ZDHHC7: variants seen among roughly 807,000 people sequenced by gnomAD.
The protein encoded by ZDHHC7 is zDHHC palmitoyltransferase 7.
ZDHHC7 carries 12 observed loss-of-function variants against 34.1 expected under a neutral mutation model. That is an observed-to-expected ratio of 0.35 (90% CI 0.23 to 0.57). The LOEUF (loss-of-function observed/expected upper bound fraction) is 0.57. ZDHHC7 is among the 20% of genes least tolerant of loss of function. The probability of loss-of-function intolerance (pLI) is 0.84; values close to 1 mark genes in which losing one functional copy is unlikely to be tolerated. For synonymous variants in ZDHHC7, 185 were observed against 155.4 expected, an observed-to-expected ratio of 1.19 and a Z score of -1.42; for missense variants, 388 against 402.7, an observed-to-expected ratio of 0.96 and a Z score of 0.31.
At chr16:84,986,614 G>A (rs1413469333) in intron 3 of ZDHHC7, among the ~76,000 whole-genome samples, 2 of 152,196 alleles carry the variant, frequency 1.3e-5, no homozygotes, top group East Asian at 1.9e-4. Flanking sequence ...GATCAAAGTT[G>A]CATCCTTCCA....
intron 1 of ZDHHC7, among the ~76,000 whole-genome samples, chr16:85,008,488 G>A (rs912489649): frequency 1.4e-5 from 2 of 146,950 alleles, no homozygotes; most frequent in Admixed American, 6.8e-5. Context: ...GTGGTTTTGG[G>A]AACCACCACC....
At chr16:84,998,601 C>G (rs1478519343) in intron 1 of ZDHHC7, among the ~76,000 whole-genome samples, 1 of 152,122 alleles carries the variant, frequency 6.6e-6, no homozygotes, top group Admixed American at 6.5e-5. Flanking sequence ...CCACCTGGGC[C>G]CGCTCTGTGG....
At chr16:84,982,275 G>A (rs1390773196) in intron 3 of ZDHHC7, among the ~76,000 whole-genome samples, 3 of 151,148 alleles carry the variant, frequency 2.0e-5, no homozygotes, top group African/African-American at 7.3e-5. Flanking sequence ...AACTCAGGAG[G>A]TAGAGGTTGC....
intron 3 of ZDHHC7, 39 bp from the exon 4 acceptor site, chr16:84,982,033 G>A (rs373556861): frequency 6.2e-7 from 1 of 1,612,262 alleles, no homozygotes; most frequent in South Asian, 1.1e-5. Context: ...TGGGGAGAAT[G>A]AAAGTTAAAA....
intron 2 of ZDHHC7, among the ~76,000 whole-genome samples, chr16:84,994,531 G>A (rs1013345278): frequency 1.3e-5 from 2 of 152,198 alleles, no homozygotes; most frequent in African/African-American, 4.8e-5. Context: ...CCTCTTGAAA[G>A]TCTTCTAAAG....
intron 3 of ZDHHC7, among the ~76,000 whole-genome samples, chr16:84,988,495 CA>C (rs1277779754): frequency 9.2e-5 from 14 of 152,184 alleles, no homozygotes; most frequent in African/African-American, 3.4e-4. Context: ...AGTAATACAA[CA>C]AGCAAAAGAA....
At chr16:84,990,684 G>A (rs1462494527) in intron 2 of ZDHHC7, 49 bp from the exon 3 acceptor site, 1 of 1,499,312 alleles carries the variant, frequency 6.7e-7, no homozygotes, top group Non-Finnish European at 9.1e-7. Flanking sequence ...AAGCTCACAA[G>A]CTACCTTAAA....
At chr16:84,978,921 G>A (rs979768669) in intron 5 of ZDHHC7, among the ~76,000 whole-genome samples, 3 of 151,622 alleles carry the variant, frequency 2.0e-5, no homozygotes, top group African/African-American at 7.3e-5. Context: ...CATACTTTAG[G>A]AAGATTCCTG....
chr16:85,006,180 G>C (rs1181736561), intron 1 of ZDHHC7, among the ~76,000 whole-genome samples: 4 of 151,864 alleles, frequency 2.6e-5, no homozygotes, highest in Non-Finnish European at 5.9e-5. Flanking sequence ...AACATAGCGA[G>C]ACCCTATCTC....
At chr16:84,988,817 T>TG (rs1282799295) in intron 3 of ZDHHC7, 2 of 1,551,682 alleles carry the variant, frequency 1.3e-6, no homozygotes, top group African/African-American at 2.7e-5. Context: ...CCACAAGGGT[T>TG]GGGTCCAGCC....
At chr16:84,977,830 C>T (rs2072317740) in intron 6 of ZDHHC7, 94 bp downstream of exon 6, 3 of 1,004,382 alleles carry the variant, frequency 3.0e-6, no homozygotes, top group African/African-American at 1.7e-5. Flanking sequence ...TGATTTCCTT[C>T]AAAATTGGAA....
At chr16:84,985,473 C>T (rs923768979) in intron 3 of ZDHHC7, among the ~76,000 whole-genome samples, 3 of 152,164 alleles carry the variant, frequency 2.0e-5, no homozygotes, top group African/African-American at 7.2e-5. Context: ...ACGAGGAGCA[C>T]AGCAAAACCC....
chr16:85,025,260 G>A, the ZDHHC7 span, among the ~76,000 whole-genome samples: 1 of 150,926 alleles, frequency 6.6e-6, no homozygotes, highest in Admixed American at 6.6e-5. Flanking sequence ...GACAGAGTGA[G>A]ATGATTTAAA....
intron 4 of ZDHHC7, 58 bp from the exon 5 acceptor site, chr16:84,979,343 C>G: frequency 6.4e-7 from 1 of 1,565,292 alleles, no homozygotes; most frequent in East Asian, 2.3e-5. Context: ...CAGAGTAACA[C>G]AACCAAATAA....
upstream of ZDHHC7, among the ~76,000 whole-genome samples, chr16:85,012,757 T>C (rs2072810830): frequency 6.6e-6 from 1 of 151,676 alleles, no homozygotes. Context: ...ATACAAAAAT[T>C]AGCCGGGTGC....
upstream of ZDHHC7, among the ~76,000 whole-genome samples, chr16:85,014,643 G>A (rs2072826923): frequency 6.6e-6 from 1 of 152,098 alleles, no homozygotes; most frequent in Admixed American, 6.5e-5. Flanking sequence ...CAGTCTCCAG[G>A]GCTTAACTTA....
chr16:85,024,233 T>TTG, the ZDHHC7 span, among the ~76,000 whole-genome samples: 25 of 147,426 alleles, frequency 1.7e-4, no homozygotes, highest in Non-Finnish European at 2.5e-4. Flanking sequence ...GTTTTTTGTT[T>TTG]TTTTTTTTTT....
chr16:85,007,730 C>A (rs959954592), intron 1 of ZDHHC7, among the ~76,000 whole-genome samples: 1 of 151,988 alleles, frequency 6.6e-6, no homozygotes, highest in African/African-American at 2.4e-5. Context: ...CTCCCTGTGG[C>A]CTGTGTCTCC....
the ZDHHC7 span, among the ~76,000 whole-genome samples, chr16:85,026,126 T>C: frequency 6.6e-6 from 1 of 152,098 alleles, no homozygotes; most frequent in Non-Finnish European, 1.5e-5. Flanking sequence ...TCTAAATGAG[T>C]CACCTTTTTA....
Sources: allele counts gnomAD v4.1 joint callset (sites outside exome capture counted in the v4.1 genomes callset), GRCh38; gene constraint gnomAD v4.1.1; transcripts MANE v1.5; gene names NCBI Gene and HGNC (gene_info 2026-07-23, HGNC 2026-07-21).